The following SEMA3D variants were observed in gnomAD, a reference collection of about 807,000 sequenced individuals.
SEMA3D encodes semaphorin-3D.
A neutral mutation model predicts 100.1 loss-of-function variants in SEMA3D; 84 were observed. The observed-to-expected ratio is 0.84, with a 90% confidence interval of 0.70 to 1.01. The LOEUF (loss-of-function observed/expected upper bound fraction) is 1.01, where lower values mean the gene tolerates loss of function less well. SEMA3D is among the 50% of genes least tolerant of loss of function. The pLI is 0.00. For missense variants in SEMA3D, 875 were observed against 934.1 expected (o/e 0.94, Z 0.82); for synonymous variants, 312 against 320.7 (o/e 0.97, Z 0.29).
chr7:85,213,758 T>G, the SEMA3D span, among the ~76,000 whole-genome samples: 1 of 152,208 alleles, frequency 6.6e-6, no homozygotes, highest in Non-Finnish European at 1.5e-5. Context: ...TTCACCTCTG[T>G]GACCCACGGT....
intron 15 of SEMA3D, among the ~76,000 whole-genome samples, chr7:85,016,580 T>TCTTTC (rs1790109499): frequency 6.6e-6 from 1 of 151,674 alleles, no homozygotes; most frequent in Non-Finnish European, 1.5e-5. Context: ...TTTCAGTCCT[T>TCTTTC]ATCACTTCTT....
chr7:85,175,931 C>A (rs1791211954), intron 1 of SEMA3D, among the ~76,000 whole-genome samples: 1 of 151,990 alleles, frequency 6.6e-6, no homozygotes, highest in African/African-American at 2.4e-5. Flanking sequence ...AATTCACTCT[C>A]TGGTGTGTAA....
intron 18 of SEMA3D, among the ~76,000 whole-genome samples, chr7:85,003,091 A>G (rs1324643287): frequency 6.6e-6 from 1 of 152,092 alleles, no homozygotes; most frequent in Non-Finnish European, 1.5e-5. Context: ...TGTCTGCAAA[A>G]CTGTTGCAAA....
intron 9 of SEMA3D, among the ~76,000 whole-genome samples, chr7:85,055,227 A>G (rs1791275014): frequency 6.6e-6 from 1 of 152,100 alleles, no homozygotes; most frequent in Admixed American, 6.6e-5. Context: ...AAAAATGTAG[A>G]ATATACATCT....
intron 3 of SEMA3D, among the ~76,000 whole-genome samples, chr7:85,112,339 T>C (rs948204870): frequency 2.0e-5 from 3 of 152,274 alleles, no homozygotes; most frequent in East Asian, 1.9e-4. Flanking sequence ...AGTTATAAGA[T>C]AGGCAAATAA....
chr7:85,229,939 T>C, the SEMA3D span, among the ~76,000 whole-genome samples: 2 of 152,202 alleles, frequency 1.3e-5, no homozygotes, highest in Non-Finnish European at 2.9e-5. Flanking sequence ...AAAAAACTCT[T>C]CTTAACTGCT....
At position 85,020,243 on chromosome 7, in the gene SEMA3D, T is replaced by A; in HGVS notation, c.1493A>T (p.Gln498Leu). ...TGGACTGAGTCTTACCTTGAATATCTGCAACTCCTCCAGCACTACCTCTTC... is the reference window on the plus strand; with the variant it reads ...TGGACTGAGTCTTACCTTGAATATCAGCAACTCCTCCAGCACTACCTCTTC... ...NMEEVVLEEL[Q>L]IFKHSSIILN... The change falls in exon 14 of 19, where the codon CAG becomes CTG. Residue 498 changes from glutamine to leucine, a missense_variant. By Grantham distance (113) the Gln-to-Leu change is moderately radical. Coordinates refer to ENST00000284136, the MANE Select transcript of SEMA3D (RefSeq NM_001384900.1). 6.2e-7 allele frequency: 1 copy of A among 1,607,132 alleles called. No individual in the cohort carries two copies. Among genetic ancestry groups the A allele is most frequent in the Non-Finnish European group, 8.5e-7 (1 of 1,174,658 alleles).
intron 2 of SEMA3D, among the ~76,000 whole-genome samples, chr7:85,132,696 T>A (rs926212561): frequency 3.3e-5 from 5 of 151,924 alleles, no homozygotes; most frequent in African/African-American, 1.2e-4. Context: ...CCAAATAACA[T>A]AATAAAATGT....
intron 4 of SEMA3D, among the ~76,000 whole-genome samples, chr7:85,085,528 T>C (rs1457849408): frequency 1.3e-5 from 2 of 152,160 alleles, no homozygotes; most frequent in Non-Finnish European, 2.9e-5. Flanking sequence ...TACTCTTCAT[T>C]AACTATTTGT....
chr7:85,202,957 G>A, the SEMA3D span, among the ~76,000 whole-genome samples: 1 of 152,188 alleles, frequency 6.6e-6, no homozygotes, highest in Non-Finnish European at 1.5e-5. Context: ...GTAAGAGAGG[G>A]TGAGGTCTAA....
intron 1 of SEMA3D, among the ~76,000 whole-genome samples, chr7:85,179,430 AGT>A (rs908971710): frequency 6.6e-6 from 1 of 152,184 alleles, no homozygotes; most frequent in African/African-American, 2.4e-5. Context: ...TGAGACATGG[AGT>A]CAAAGGAGAT....
At chr7:85,172,671 G>T (rs952419504) in intron 1 of SEMA3D, among the ~76,000 whole-genome samples, 1 of 151,982 alleles carries the variant, frequency 6.6e-6, no homozygotes, top group South Asian at 2.1e-4. Context: ...GTGCTGTACT[G>T]CAGGTTCCTA....
chr7:85,155,619 T>C (rs1790571815), intron 1 of SEMA3D, among the ~76,000 whole-genome samples: 1 of 152,190 alleles, frequency 6.6e-6, no homozygotes, highest in South Asian at 2.1e-4. Flanking sequence ...AATGATTCAC[T>C]TATACATTTA....
chr7:85,201,986 C>T, the SEMA3D span, among the ~76,000 whole-genome samples: 1 of 151,950 alleles, frequency 6.6e-6, no homozygotes, highest in Non-Finnish European at 1.5e-5. Context: ...TCTCAATATG[C>T]TAGGATTACA....
chr7:85,215,509 G>A, the SEMA3D span, among the ~76,000 whole-genome samples: 2 of 152,078 alleles, frequency 1.3e-5, no homozygotes, highest in African/African-American at 2.4e-5. Context: ...TGGGATCAGA[G>A]CAAGAGACGG....
chr7:85,035,381 A>C (rs1790665993), intron 12 of SEMA3D, among the ~76,000 whole-genome samples: 1 of 151,918 alleles, frequency 6.6e-6, no homozygotes, highest in Admixed American at 6.6e-5. Context: ...TATATATAAA[A>C]TGGGACTGCA....
chr7:85,204,158 T>C, the SEMA3D span, among the ~76,000 whole-genome samples: 28 of 152,016 alleles, frequency 1.8e-4, no homozygotes, highest in Admixed American at 1.3e-4. Context: ...GAATATATAG[T>C]GTAACACTGG....
chr7:85,214,044 C>G, the SEMA3D span, among the ~76,000 whole-genome samples: 1 of 152,152 alleles, frequency 6.6e-6, no homozygotes, highest in Admixed American at 6.6e-5. Context: ...TAAACGTGCA[C>G]AATCCTATAT....
At chr7:85,117,763 A>G (rs981760191) in intron 3 of SEMA3D, among the ~76,000 whole-genome samples, 1 of 145,806 alleles carries the variant, frequency 6.9e-6, no homozygotes, top group East Asian at 2.0e-4. Context: ...ACAGAGCAAG[A>G]GTATGTATGT....
Sources: allele counts gnomAD v4.1 joint callset (sites outside exome capture counted in the v4.1 genomes callset), GRCh38; gene constraint gnomAD v4.1.1; transcripts MANE v1.5; gene names NCBI Gene and HGNC (gene_info 2026-07-23, HGNC 2026-07-21).